The following PLEKHA5 variants were observed in gnomAD, a reference collection of about 807,000 sequenced individuals.
PLEKHA5 encodes the protein pleckstrin homology domain containing A5, also known as pleckstrin homology domain-containing family A member 5.
A neutral mutation model predicts 181.9 loss-of-function variants in PLEKHA5; 55 were observed. The observed-to-expected ratio is 0.30, with a 90% CI of 0.24 to 0.38. The LOEUF is 0.38. Among genes scored for constraint, PLEKHA5 ranks in the 10% least tolerant of loss-of-function variants. PLEKHA5 has a pLI of 1.00. For missense variants in PLEKHA5, 1,432 were observed against 1,549.5 expected (o/e 0.92, Z 1.27); for synonymous variants, 535 against 529.4 (o/e 1.01, Z -0.15).
chr12:19,323,982 G>A (rs1311315733), intron 20 of PLEKHA5, among the ~76,000 whole-genome samples: 1 of 152,106 alleles, frequency 6.6e-6, no homozygotes. Context: ...CTATGATGTG[G>A]TCATCTCTAT....
intron 3 of PLEKHA5, among the ~76,000 whole-genome samples, chr12:19,232,753 A>G (rs1249948397): frequency 6.6e-6 from 1 of 152,114 alleles, no homozygotes; most frequent in Non-Finnish European, 1.5e-5. Flanking sequence ...TCACCTCTAA[A>G]AGAAAACCAA....
At chr12:19,200,455 A>C (rs1377922449) in intron 3 of PLEKHA5, 5 of 1,438,542 alleles carry the variant, frequency 3.5e-6, no homozygotes, top group Non-Finnish European at 4.5e-6. Flanking sequence ...CATATTCTAA[A>C]CTGATTGTCT....
At position 19,361,661 on chromosome 12, in the gene PLEKHA5, A is replaced by G. The variant is rs768503723; in HGVS notation, c.3563A>G (p.Asp1188Gly). 2 of 1,591,978 alleles carry G rather than the reference A, an allele frequency of 1.3e-6. No individual in the cohort carries two copies. The highest frequency in any genetic ancestry group is 2.7e-5 in the African/African-American group (2 of 74,338). ...PNGVNSVEMM[D>G]KERNKDKMPE... ...GGAGTAAATTCTGTGGAAATGATGG[A>G]TAAAGAAAGAAACAAAGACAAAATG... The change falls in exon 29 of 32, where the codon GAT (aspartate) becomes GGT (glycine). Residue 1188 changes from aspartate (D) to glycine (G), a missense_variant. By Grantham distance (94) the Asp-to-Gly change is moderately conservative. Around this residue, in one of 2 missense-constraint regions of PLEKHA5, gnomAD observed 1,143 missense variants for 1,168.4 expected, o/e 0.98. Transcript: ENST00000429027.
intron 13 of PLEKHA5, among the ~76,000 whole-genome samples, chr12:19,290,205 A>G (rs2078106630): frequency 6.6e-6 from 1 of 152,182 alleles, no homozygotes; most frequent in East Asian, 1.9e-4. Flanking sequence ...TGCTGGGATT[A>G]CAGGCGTGAG....
intron 3 of PLEKHA5, among the ~76,000 whole-genome samples, chr12:19,208,253 A>G (rs1457534043): frequency 3.6e-5 from 2 of 55,818 alleles, no homozygotes; most frequent in East Asian, 2.6e-4. Flanking sequence ...ACTAAAAAAT[A>G]CAAAAATTAG....
At chr12:19,216,834 A>G (rs1397052807) in intron 3 of PLEKHA5, among the ~76,000 whole-genome samples, 1 of 152,102 alleles carries the variant, frequency 6.6e-6, no homozygotes, top group Non-Finnish European at 1.5e-5. Flanking sequence ...TTCCAGATCT[A>G]CTACTGATTG....
intron 3 of PLEKHA5, among the ~76,000 whole-genome samples, chr12:19,231,745 C>T (rs2060656020): frequency 6.6e-6 from 1 of 151,046 alleles, no homozygotes; most frequent in Non-Finnish European, 1.5e-5. Context: ...TTTTTACAAA[C>T]CTAATTTTTT....
chr12:19,339,669 C>T (rs2093708372), intron 21 of PLEKHA5, among the ~76,000 whole-genome samples: 1 of 151,810 alleles, frequency 6.6e-6, no homozygotes, highest in Admixed American at 6.6e-5. Context: ...ATAATAAAAA[C>T]CACAAGTAGT....
intron 3 of PLEKHA5, chr12:19,152,834 T>C (rs886933102): frequency 8.5e-5 from 13 of 152,278 alleles, no homozygotes; most frequent in Admixed American, 7.8e-4. Context: ...TACATGCATT[T>C]GATTTTGGGA....
intron 3 of PLEKHA5, among the ~76,000 whole-genome samples, chr12:19,136,265 AT>A (rs2035618176): frequency 6.6e-6 from 1 of 152,112 alleles, no homozygotes; most frequent in Non-Finnish European, 1.5e-5. Flanking sequence ...CAGCCTCTTA[AT>A]TATGTTACTA....
Position 19,343,522 on chromosome 12 carries a change from A to G in PLEKHA5, c.2662+88A>G, listed in dbSNP as rs559909091. On this transcript the variant is annotated intron_variant, in intron 22 of 31. Transcript: ENST00000429027. ...TGACAGATTACATTCTGAGAAATGC[A>G]TTGTTAGGTGATTGTGTTGTACAAT... is the stretch of plus-strand genomic sequence containing the variant. 2.3e-5 allele frequency: 18 copies of G among 772,304 alleles called. No homozygotes were observed. The African/African-American group carries it at 3.1e-4, about 13-fold the overall frequency. The allele number at this position is 772,304 out of a possible 1,614,324, so 47.8% of individuals were successfully genotyped here.
At chr12:19,333,540 G>A (rs904857443) in intron 20 of PLEKHA5, among the ~76,000 whole-genome samples, 2 of 151,664 alleles carry the variant, frequency 1.3e-5, no homozygotes, top group African/African-American at 4.8e-5. Context: ...AGTGAGCCAA[G>A]GTCATGCCAC....
intron 15 of PLEKHA5, chr12:19,307,573 C>A: frequency 6.2e-6 from 2 of 323,882 alleles, no homozygotes; most frequent in South Asian, 7.3e-5. Context: ...CATTCAAGAT[C>A]ACATTCTAGG....
At chr12:19,360,331 G>A (rs1177309691) in intron 28 of PLEKHA5, among the ~76,000 whole-genome samples, 1 of 151,850 alleles carries the variant, frequency 6.6e-6, no homozygotes, top group African/African-American at 2.4e-5. Context: ...AACGTGGCGG[G>A]CACAGTGGCT....
chr12:19,248,426 G>A (rs1368346824), intron 3 of PLEKHA5, among the ~76,000 whole-genome samples: 3 of 151,988 alleles, frequency 2.0e-5, no homozygotes, highest in Admixed American at 1.3e-4. Context: ...TCAAACTCCC[G>A]GCCTCAAGTG....
At chr12:19,250,243 C>T (rs1369049365) in intron 3 of PLEKHA5, among the ~76,000 whole-genome samples, 1 of 152,120 alleles carries the variant, frequency 6.6e-6, no homozygotes, top group Non-Finnish European at 1.5e-5. Context: ...ACTACAGAGA[C>T]AAGGTGGGAA....
Position 19,130,065 on chromosome 12 carries a change from G to C in PLEKHA5, c.104G>C (p.Ser35Thr), listed in dbSNP as rs750986141. Residue 35 changes from serine (S) to threonine (T), a missense_variant, in exon 2 of 32, where the codon AGC becomes ACC. Transcript: ENST00000429027. The surrounding 1 kb of genome is among the most constrained non-coding windows in gnomAD (Gnocchi z 4.5). Reference protein sequence around the residue: ...RVFFINEEAKSTTWLHPVTGE... With the variant: ...RVFFINEEAKTTTWLHPVTGE... ...CACCCCTGCAGCGAGGAGGCCAAGAGCACCACCTGGCTGCACCCCGTCACC... is the reference window on the plus strand; with the variant it reads ...CACCCCTGCAGCGAGGAGGCCAAGACCACCACCTGGCTGCACCCCGTCACC... 10 of 1,590,370 alleles carry C rather than the reference G, an allele frequency of 6.3e-6. No homozygotes were observed. The highest frequency in any genetic ancestry group is 2.7e-5 in the African/African-American group (2 of 73,472).
rs534875792 is a variant in PLEKHA5, at chr12:19,360,331, GCA to G, written c.3483+788_3483+789del. On this transcript the variant is annotated intron_variant, in intron 28 of 31. Transcript: ENST00000429027. Reference sequence around the variant, plus strand: ...AAAAAAAACAAAAAAAACGTGGCGGGCACAGTGGCTCATGCCTGTAATCCCAG... The same window carrying G: ...AAAAAAAACAAAAAAAACGTGGCGGGCAGTGGCTCATGCCTGTAATCCCAG... Among the ~76,000 whole-genome samples, 53 of 151,962 alleles carry G rather than the reference GCA, an allele frequency of 3.5e-4. No homozygotes were observed. In the South Asian group the frequency reaches 1.0e-2, roughly 29 times the overall value.
intron 3 of PLEKHA5, among the ~76,000 whole-genome samples, chr12:19,235,929 A>G (rs2061346430): frequency 6.6e-6 from 1 of 152,152 alleles, no homozygotes; most frequent in Non-Finnish European, 1.5e-5. Flanking sequence ...TTTGGAGGAT[A>G]GTGTGTGTAA....
Sources: allele counts gnomAD v4.1 joint callset (sites outside exome capture counted in the v4.1 genomes callset), GRCh38; gene constraint gnomAD v4.1.1; regional missense constraint gnomAD v4.1.1; non-coding constraint Gnocchi (gnomAD v3.1); transcripts MANE v1.5; gene names NCBI Gene and HGNC (gene_info 2026-07-23, HGNC 2026-07-21).